The following PRKD1 variants were observed in gnomAD, a reference collection of about 807,000 sequenced individuals.
The protein encoded by PRKD1 is serine/threonine-protein kinase D1.
In PRKD1, 63 loss-of-function variants were observed where a neutral mutation model predicts 95.9. That is an observed-to-expected ratio of 0.66 (90% confidence interval 0.54 to 0.81). The LOEUF (loss-of-function observed/expected upper bound fraction) is 0.81, where lower values mean the gene tolerates loss of function less well. PRKD1 is among the 30% of genes least tolerant of loss of function. PRKD1 has a pLI of 0.00. For synonymous variants in PRKD1, 425 were observed against 423.1 expected, an observed-to-expected ratio of 1.00 and a Z score of -0.05; for missense variants, 1,048 against 1,165.3, an observed-to-expected ratio of 0.90 and a Z score of 1.47.
At chr14:29,817,827 A>G (rs982154027) in intron 1 of PRKD1, among the ~76,000 whole-genome samples, 1 of 152,136 alleles carries the variant, frequency 6.6e-6, no homozygotes, top group African/African-American at 2.4e-5. Context: ...AGAAAAGAAA[A>G]CATTGTGATT....
intron 2 of PRKD1, among the ~76,000 whole-genome samples, chr14:29,694,751 C>A (rs185079156): frequency 6.6e-6 from 1 of 152,086 alleles, no homozygotes; most frequent in South Asian, 2.1e-4. Flanking sequence ...GAAGGACTCA[C>A]TGAGAAGGTG....
chr14:29,904,592 T>A (rs1894431476), intron 1 of PRKD1, among the ~76,000 whole-genome samples: 1 of 152,230 alleles, frequency 6.6e-6, no homozygotes, highest in African/African-American at 2.4e-5. Context: ...TAATTGCTAT[T>A]ATTACTGCCA....
intron 16 of PRKD1, 61 bp downstream of exon 16, chr14:29,597,430 A>C: frequency 7.1e-7 from 1 of 1,407,630 alleles, no homozygotes. Flanking sequence ...AAATTAATTT[A>C]AATTAATAAC....
chr14:29,681,662 T>C (rs1402405078), intron 2 of PRKD1, among the ~76,000 whole-genome samples: 2 of 152,158 alleles, frequency 1.3e-5, no homozygotes, highest in East Asian at 3.9e-4. Context: ...AGTAGAGGCA[T>C]TTATTATGCT....
rs1348360036 is a variant in PRKD1, at chr14:29,577,445, G to A, written c.2532C>T (p.Thr844=). ...ATTCCAGCTCTCGCAAATCTAACCA[G>A]GTCTGATAGTCCTGAAGAAGAAATT... ...LSHPWLQDYQ[T]WLDLRELECK... The change falls in exon 18 of 18, where the codon ACC becomes ACT. Residue 844 remains threonine, a synonymous_variant. Transcript: ENST00000331968. 1.2e-6 allele frequency: 2 copies of A among 1,613,560 alleles called. No individual in the cohort carries two copies.
intron 16 of PRKD1, among the ~76,000 whole-genome samples, chr14:29,587,663 C>T (rs1008171261): frequency 2.0e-5 from 3 of 152,008 alleles, no homozygotes; most frequent in Admixed American, 1.3e-4. Context: ...GATTCTTTTC[C>T]TAATGGGACA....
At position 29,615,207 on chromosome 14, in the gene PRKD1, G is replaced by A. The variant is rs186847944; in HGVS notation, c.1905+8945C>T. On this transcript the variant is annotated intron_variant, in intron 13 of 17. Transcript: ENST00000331968. ...GTATTTAAAAGAATAGTTAATAAAG[G>A]GTATCGAATGTCTATAATATTTATA... 2.2e-3 allele frequency among the ~76,000 whole-genome samples: 329 copies of A among 152,008 alleles called. 1 individual carries two copies. Among genetic ancestry groups the A allele is most frequent in the Middle Eastern group, 6.8e-3 (2 of 292 alleles).
chr14:29,753,653 G>A (rs1399927450), intron 1 of PRKD1, among the ~76,000 whole-genome samples: 3 of 151,944 alleles, frequency 2.0e-5, no homozygotes, highest in Non-Finnish European at 2.9e-5. Context: ...TGTTTCATGT[G>A]TATCTTTTGT....
chr14:29,608,986 G>A (rs922627374), intron 13 of PRKD1, among the ~76,000 whole-genome samples: 5 of 152,140 alleles, frequency 3.3e-5, no homozygotes, highest in Admixed American at 2.6e-4. Flanking sequence ...AAATACAAAT[G>A]ACATGACTTC....
chr14:29,627,727 C>T (rs1879718621), intron 11 of PRKD1, among the ~76,000 whole-genome samples: 1 of 152,032 alleles, frequency 6.6e-6, no homozygotes, highest in African/African-American at 2.4e-5. Flanking sequence ...TATCAAATCC[C>T]ACCCTCTCCA....
chr14:29,718,959 TG>T (rs1296801495), intron 2 of PRKD1, among the ~76,000 whole-genome samples: 3 of 152,158 alleles, frequency 2.0e-5, no homozygotes, highest in Non-Finnish European at 4.4e-5. Flanking sequence ...GATAAAATAT[TG>T]CTACATTGCT....
At chr14:29,847,972 C>G (rs115143488) in intron 1 of PRKD1, among the ~76,000 whole-genome samples, 1,964 of 152,164 alleles carry the variant, frequency 0.013, 43 homozygotes, top group African/African-American at 0.045. Context: ...AACAATTACA[C>G]TGGCAGAATA....
Position 29,923,837 on chromosome 14 carries a change from T to G in PRKD1, c.264+3412A>C, listed in dbSNP as rs45450298. 2.8e-3 allele frequency among the ~76,000 whole-genome samples: 419 copies of G among 149,002 alleles called. 4 individuals are homozygous for G. The highest frequency in any genetic ancestry group is 4.7e-3 in the Non-Finnish European group (315 of 67,496). ...AAAAAAAAAAAAAAAAAAAAGTATGTGTGTGTGTTTGTGTGTGTGGTAGAT... is the reference window on the plus strand; with the variant it reads ...AAAAAAAAAAAAAAAAAAAAGTATGGGTGTGTGTTTGTGTGTGTGGTAGAT... On this transcript the variant is annotated intron_variant, in intron 1 of 17. Transcript: ENST00000331968.
rs1272164442 is a variant in PRKD1 at position 29,577,088 on chromosome 14, G to A, written c.*150C>T. On this transcript the variant is annotated 3_prime_UTR_variant, in exon 18 of 18. Transcript: ENST00000331968. ...ACAAATGCTTCTGTTGATTTGTCTT[G>A]GCAACTCAGATACATCAACAGTGCT... The A allele has an allele frequency of 3.8e-6, 3 of 799,562 alleles. No homozygotes were observed. Among genetic ancestry groups the A allele is most frequent in the Non-Finnish European group, 5.9e-6 (3 of 509,500 alleles). The allele number at this position is 799,562 out of a possible 1,614,324, so 49.5% of individuals were successfully genotyped here. A position where few individuals can be genotyped will look rare whatever the true frequency, so the allele number is the denominator to read the frequency against.
At chr14:29,855,804 T>C (rs1370673273) in intron 1 of PRKD1, among the ~76,000 whole-genome samples, 1 of 152,108 alleles carries the variant, frequency 6.6e-6, no homozygotes, top group African/African-American at 2.4e-5. Flanking sequence ...GGTCTGATGG[T>C]TTTAAAAATG....
chr14:29,816,381 C>T (rs760294455), intron 1 of PRKD1, among the ~76,000 whole-genome samples: 1 of 152,098 alleles, frequency 6.6e-6, no homozygotes, highest in Non-Finnish European at 1.5e-5. Context: ...TAACTATGTG[C>T]CACACATTCA....
At chr14:29,806,848 GC>G (rs1432700736) in intron 1 of PRKD1, among the ~76,000 whole-genome samples, 2 of 152,078 alleles carry the variant, frequency 1.3e-5, no homozygotes, top group East Asian at 3.9e-4. Flanking sequence ...ATAAAAACAT[GC>G]CAGGAATACA....
intron 1 of PRKD1, among the ~76,000 whole-genome samples, chr14:29,728,259 C>A (rs1886261932): frequency 1.3e-5 from 2 of 152,106 alleles, no homozygotes; most frequent in South Asian, 4.2e-4. Context: ...ACAATGGATA[C>A]CTCATGCACT....
chr14:29,727,200 A>T (rs35588647), intron 1 of PRKD1, among the ~76,000 whole-genome samples: 26,833 of 151,994 alleles, frequency 0.18, 2,616 homozygotes, highest in South Asian at 0.26. Context: ...ATGTCTTCTT[A>T]TGAGAAGCAT....
Sources: gnomAD v4.1 joint callset for allele counts (sites outside exome capture counted in the v4.1 genomes callset) on GRCh38, gnomAD v4.1.1 for gene constraint, MANE v1.5 for transcripts, NCBI Gene and HGNC (gene_info 2026-07-23, HGNC 2026-07-21) for gene names.